Variants in ADAMTS16 observed in about 807,000 individuals in gnomAD.
ADAMTS16 encodes A disintegrin and metalloproteinase with thrombospondin motifs 16.
In ADAMTS16, 94 loss-of-function variants were observed where a neutral mutation model predicts 145.8. The ratio of observed to expected loss-of-function variants is 0.64; its 90% CI spans 0.55 to 0.77. The LOEUF (loss-of-function observed/expected upper bound fraction) is 0.77. Ranked by LOEUF, ADAMTS16 falls within the 30% of genes least tolerant of loss-of-function variation. The probability of loss-of-function intolerance (pLI) is 0.00; values close to 1 mark genes in which losing one functional copy is unlikely to be tolerated. For missense variants in ADAMTS16, 1,585 were observed against 1,591.5 expected, an observed-to-expected ratio of 1.00 and a Z score of 0.07; for synonymous variants, 659 against 604.3, an observed-to-expected ratio of 1.09 and a Z score of -1.33.
chr5:5,149,411 G>A (rs1734391497), intron 3 of ADAMTS16, among the ~76,000 whole-genome samples: 1 of 152,116 alleles, frequency 6.6e-6, no homozygotes, highest in Admixed American at 6.5e-5. Context: ...AGACAATGAT[G>A]ACCATGGCAA....
At chr5:5,302,995 T>C (rs1228011992) in intron 18 of ADAMTS16, among the ~76,000 whole-genome samples, 5 of 152,122 alleles carry the variant, frequency 3.3e-5, no homozygotes, top group Admixed American at 2.0e-4. Context: ...AGACACACTG[T>C]GCCGAATAGG....
intron 17 of ADAMTS16, among the ~76,000 whole-genome samples, chr5:5,248,850 A>G (rs1737536248): frequency 6.6e-6 from 1 of 152,266 alleles, no homozygotes; most frequent in Admixed American, 6.5e-5. Flanking sequence ...GGAATTAGTC[A>G]ATGGAATAAA....
chr5:5,183,670 A>G (rs10037656), intron 4 of ADAMTS16, among the ~76,000 whole-genome samples: 31,956 of 152,106 alleles, frequency 0.21, 4,403 homozygotes, highest in East Asian at 0.43. Context: ...GGTGGTCGCC[A>G]TGACTCAGGC....
At chr5:5,205,560 G>A (rs1298085419) in intron 9 of ADAMTS16, among the ~76,000 whole-genome samples, 1 of 152,216 alleles carries the variant, frequency 6.6e-6, no homozygotes, top group Non-Finnish European at 1.5e-5. Flanking sequence ...CTCACTGGAG[G>A]TAAATGAGAG....
intron 3 of ADAMTS16, among the ~76,000 whole-genome samples, chr5:5,176,393 A>G (rs1735196973): frequency 6.6e-6 from 1 of 152,188 alleles, no homozygotes; most frequent in Admixed American, 6.5e-5. Context: ...CACAAATATT[A>G]TCATCTAAGC....
intron 9 of ADAMTS16, among the ~76,000 whole-genome samples, chr5:5,203,727 G>A (rs1184721127): frequency 6.6e-6 from 1 of 152,112 alleles, no homozygotes. Context: ...TAAATTTCAT[G>A]ACAACAGGGA....
intron 17 of ADAMTS16, among the ~76,000 whole-genome samples, chr5:5,255,225 A>T (rs1432020961): frequency 6.6e-6 from 1 of 152,148 alleles, no homozygotes; most frequent in Non-Finnish European, 1.5e-5. Context: ...TGTACTTACT[A>T]CTTATATTCT....
intron 6 of ADAMTS16, 90 bp downstream of exon 6, chr5:5,187,898 G>C (rs1275570947): frequency 1.2e-6 from 1 of 863,614 alleles, no homozygotes; most frequent in African/African-American, 1.8e-5. Flanking sequence ...TTGTTCTATG[G>C]GTTCTTCTCT....
chr5:5,145,756 G>A (rs779912210), intron 2 of ADAMTS16, among the ~76,000 whole-genome samples: 37 of 152,116 alleles, frequency 2.4e-4, no homozygotes, highest in Non-Finnish European at 5.3e-4. Flanking sequence ...TCCACTGTTT[G>A]GAACAAGCCA....
intron 18 of ADAMTS16, among the ~76,000 whole-genome samples, chr5:5,267,444 A>C (rs534694879): frequency 6.6e-6 from 1 of 152,206 alleles, no homozygotes; most frequent in East Asian, 1.9e-4. Context: ...AGCGAGGTGA[A>C]TGGGGAGCCA....
At chr5:5,173,509 T>G (rs1735105169) in intron 3 of ADAMTS16, among the ~76,000 whole-genome samples, 1 of 152,088 alleles carries the variant, frequency 6.6e-6, no homozygotes. Flanking sequence ...AGTCTCACTC[T>G]GTCCCCCAGG....
intron 3 of ADAMTS16, among the ~76,000 whole-genome samples, chr5:5,176,461 T>C (rs1225243100): frequency 6.6e-6 from 1 of 152,202 alleles, no homozygotes; most frequent in East Asian, 1.9e-4. Context: ...CAAGAAATCT[T>C]GGTAAATTTA....
intron 18 of ADAMTS16, among the ~76,000 whole-genome samples, chr5:5,302,969 T>TA (rs137874372): frequency 6.6e-6 from 1 of 151,478 alleles, no homozygotes; most frequent in African/African-American, 2.4e-5. Context: ...TTGCATTTTT[T>TA]AAAAAAGAAG....
chr5:5,257,428 T>A (rs1295397705), intron 17 of ADAMTS16, among the ~76,000 whole-genome samples: 1 of 151,744 alleles, frequency 6.6e-6, no homozygotes, highest in Non-Finnish European at 1.5e-5. Context: ...GACACACAAA[T>A]GTTAACAGAA....
intron 22 of ADAMTS16, among the ~76,000 whole-genome samples, 191 bp from the exon 23 acceptor site, chr5:5,318,832 A>G (rs1234369297): frequency 2.0e-5 from 3 of 152,344 alleles, no homozygotes; most frequent in Admixed American, 1.3e-4. Flanking sequence ...TCAGTTTTGC[A>G]GAAAACTTCC....
intron 17 of ADAMTS16, among the ~76,000 whole-genome samples, chr5:5,261,698 A>G (rs1297096995): frequency 6.6e-6 from 1 of 152,078 alleles, no homozygotes; most frequent in Non-Finnish European, 1.5e-5. Flanking sequence ...GTTGGCCAGG[A>G]TGGCCTCAAT....
intron 7 of ADAMTS16, among the ~76,000 whole-genome samples, chr5:5,190,753 T>C (rs1204090972): frequency 2.0e-5 from 3 of 152,082 alleles, no homozygotes; most frequent in African/African-American, 7.2e-5. Flanking sequence ...TTAATAGCGG[T>C]TAGTCTTATT....
intron 3 of ADAMTS16, among the ~76,000 whole-genome samples, chr5:5,180,339 A>G (rs1171003944): frequency 2.6e-5 from 4 of 152,242 alleles, no homozygotes; most frequent in African/African-American, 9.6e-5. Flanking sequence ...GCAGGAGTAG[A>G]TTGCATTATA....
intron 9 of ADAMTS16, among the ~76,000 whole-genome samples, chr5:5,205,378 A>G (rs1174328369): frequency 1.3e-5 from 2 of 151,962 alleles, no homozygotes; most frequent in Non-Finnish European, 2.9e-5. Context: ...ATGATCTCCT[A>G]CAAGTTTTAT....
Sources: gnomAD v4.1 joint callset for allele counts (sites outside exome capture counted in the v4.1 genomes callset) on GRCh38, gnomAD v4.1.1 for gene constraint, MANE v1.5 for transcripts, NCBI Gene and HGNC (gene_info 2026-07-23, HGNC 2026-07-21) for gene names.